The following HIGD1C variants were observed in gnomAD, a reference collection of about 807,000 sequenced individuals.
HIGD1C encodes HIG1 hypoxia inducible domain family member 1C.
In HIGD1C, 11 loss-of-function variants were observed where a neutral mutation model predicts 13.1. The observed-to-expected ratio is 0.84, with a 90% CI of 0.53 to 1.39. HIGD1C has a LOEUF of 1.39. HIGD1C is among the 40% of genes most tolerant of loss of function. The pLI, the probability that HIGD1C is intolerant of heterozygous loss-of-function variation, is 0.00. For missense variants in HIGD1C, 110 were observed against 112.0 expected (o/e 0.98, Z 0.08); for synonymous variants, 36 against 37.7 (o/e 0.95, Z 0.17).
chr12:50,943,607 G>A, the HIGD1C span, among the ~76,000 whole-genome samples: 2 of 151,972 alleles, frequency 1.3e-5, no homozygotes, highest in African/African-American at 4.8e-5. Flanking sequence ...CTACTCAGGA[G>A]GCTGAGGCAG....
chr12:50,942,174 A>C, the HIGD1C span, among the ~76,000 whole-genome samples: 1 of 152,036 alleles, frequency 6.6e-6, no homozygotes, highest in African/African-American at 2.4e-5. Context: ...GAGCCACCGC[A>C]CCCGGCCCAT....
chr12:50,939,493 A>G, the HIGD1C span, among the ~76,000 whole-genome samples: 1 of 152,180 alleles, frequency 6.6e-6, no homozygotes, highest in African/African-American at 2.4e-5. Flanking sequence ...CAAAATTATG[A>G]AAGTACCTAC....
chr12:50,935,278 G>C, the HIGD1C span: 1 of 152,130 alleles, frequency 6.6e-6, no homozygotes, highest in African/African-American at 2.4e-5. Context: ...AAAATAAAAA[G>C]AATTCCCTGT....
intron 1 of HIGD1C, 131 bp downstream of exon 3, chr12:50,954,223 A>G (rs1254254032): frequency 1.7e-6 from 1 of 580,074 alleles, no homozygotes; most frequent in East Asian, 2.8e-5. Context: ...TCCTCTAAGC[A>G]TGTGTTGAAC....
the HIGD1C span, among the ~76,000 whole-genome samples, chr12:50,940,841 TTTTTC>T: frequency 1.6e-4 from 24 of 151,684 alleles, no homozygotes; most frequent in African/African-American, 5.1e-4. Context: ...TTTGCCCCAA[TTTTTC>T]TTTTCTTTTT....
intron 2 of HIGD1C, among the ~76,000 whole-genome samples, chr12:50,965,770 T>C (rs755828379): frequency 3.9e-5 from 6 of 152,218 alleles, no homozygotes; most frequent in Admixed American, 3.9e-4. Flanking sequence ...ACAGGTACCC[T>C]GGTAAATGAG....
At chr12:50,951,693 G>A (rs1038708765), upstream of HIGD1C, among the ~76,000 whole-genome samples, 5 of 152,180 alleles carry the variant, frequency 3.3e-5, no homozygotes, top group Admixed American at 2.6e-4. Context: ...GCCAAGGTGG[G>A]TGGATCACCT....
At chr12:50,970,516 G>T, downstream of HIGD1C, 2 of 1,496,768 alleles carry the variant, frequency 1.3e-6, no homozygotes, top group Non-Finnish European at 1.8e-6. Context: ...AAGCTTACAT[G>T]CTGGAAGCAA....
At chr12:50,965,042 C>T (rs1320080052) in intron 2 of HIGD1C, among the ~76,000 whole-genome samples, 1 of 152,000 alleles carries the variant, frequency 6.6e-6, no homozygotes, top group African/African-American at 2.4e-5. Context: ...TCTTTGAAGT[C>T]CTTGATGATG....
At chr12:50,954,187 A>G in intron 1 of HIGD1C, 95 bp downstream of exon 3, 1 of 735,262 alleles carries the variant, frequency 1.4e-6, no homozygotes, top group Non-Finnish European at 2.3e-6. Flanking sequence ...TTATAATTGA[A>G]TTTTTTCAGA....
chr12:50,943,817 T>C, the HIGD1C span, among the ~76,000 whole-genome samples: 5 of 152,210 alleles, frequency 3.3e-5, no homozygotes, highest in African/African-American at 7.2e-5. Flanking sequence ...TTTACTCATT[T>C]GTCTCTCCTA....
the HIGD1C span, chr12:50,932,251 A>C: frequency 6.6e-6 from 1 of 152,346 alleles, no homozygotes; most frequent in Non-Finnish European, 1.5e-5. Context: ...AAAGAAATAA[A>C]TATTTTTTGG....
upstream of HIGD1C, among the ~76,000 whole-genome samples, chr12:50,950,914 A>G (rs1411293234): frequency 6.6e-6 from 1 of 151,778 alleles, no homozygotes; most frequent in Non-Finnish European, 1.5e-5. Flanking sequence ...TCTTGACTTC[A>G]GGTGATCCAC....
chr12:50,960,933 G>A (rs1470890683), intron 1 of HIGD1C, 35 bp from the exon 4 acceptor site: 21 of 1,529,076 alleles, frequency 1.4e-5, no homozygotes, highest in Non-Finnish European at 1.9e-5. Context: ...TCCTGCCTCA[G>A]CCTTCCAAAT....
At chr12:50,952,397 G>A (rs548934242), upstream of HIGD1C, among the ~76,000 whole-genome samples, 209 of 152,204 alleles carry the variant, frequency 1.4e-3, no homozygotes, top group Non-Finnish European at 2.1e-3. Context: ...AAGTTACAAG[G>A]GAAAAACCAT....
the HIGD1C span, among the ~76,000 whole-genome samples, chr12:50,945,196 C>T: frequency 0.13 from 19,542 of 152,108 alleles, 1,731 homozygotes; most frequent in East Asian, 0.42. Flanking sequence ...CCCTTTCTCA[C>T]CACTACTATT....
downstream of HIGD1C, chr12:50,970,599 C>A (rs1335931784): frequency 1.3e-6 from 1 of 740,926 alleles, no homozygotes; most frequent in Non-Finnish European, 2.3e-6. Context: ...TTTTACTACA[C>A]AAGTGTCACA....
At chr12:50,962,232 TACACACACAC>T (rs34526248) in intron 2 of HIGD1C, among the ~76,000 whole-genome samples, 3 of 146,198 alleles carry the variant, frequency 2.1e-5, no homozygotes, top group Non-Finnish European at 4.5e-5. Flanking sequence ...CTAAAAAAAT[TACACACACAC>T]ACACACACAC....
the HIGD1C span, among the ~76,000 whole-genome samples, chr12:50,947,463 C>T: frequency 1.3e-5 from 2 of 152,146 alleles, no homozygotes; most frequent in Non-Finnish European, 2.9e-5. Flanking sequence ...AAGTCAGCAG[C>T]ATAACATCTT....
Sources: allele counts gnomAD v4.1 joint callset (sites outside exome capture counted in the v4.1 genomes callset), GRCh38; gene constraint gnomAD v4.1.1; transcripts MANE v1.5; gene names NCBI Gene and HGNC (gene_info 2026-07-23, HGNC 2026-07-21).